Variants in ATP13A4 observed in about 807,000 individuals in gnomAD.
The protein encoded by ATP13A4 is probable cation-transporting ATPase 13A4.
A neutral mutation model predicts 142.5 loss-of-function variants in ATP13A4; 114 were observed. The ratio of observed to expected loss-of-function variants is 0.80; its 90% CI spans 0.69 to 0.93. The LOEUF (loss-of-function observed/expected upper bound fraction) is 0.93. ATP13A4 is among the 40% of genes least tolerant of loss of function. The pLI is 0.00. For missense variants in ATP13A4, 1,392 were observed against 1,454.0 expected (o/e 0.96, Z 0.69); for synonymous variants, 488 against 514.8 (o/e 0.95, Z 0.70).
In ATP13A4 at chr3:193,527,462, A is replaced by C. The variant is rs146413337; in HGVS notation, c.61-12591T>G. 5.4e-3 allele frequency among the ~76,000 whole-genome samples: 822 copies of C among 152,102 alleles called. 13 individuals carry two copies. Among genetic ancestry groups the C allele is most frequent in the African/African-American group, 0.019 (773 of 41,508 alleles). On this transcript the variant is annotated intron_variant, in intron 1 of 29. Coordinates refer to ENST00000342695, the MANE Select transcript of ATP13A4 (RefSeq NM_032279.4). ...CCCCGTCTCTACTAAAAATACAAAA[A>C]TTAGCTGGGCATGGTGACATGTGCC... is the stretch of plus-strand genomic sequence containing the variant.
At chr3:193,545,788 G>C (rs772924079) in intron 1 of ATP13A4, among the ~76,000 whole-genome samples, 2 of 151,710 alleles carry the variant, frequency 1.3e-5, no homozygotes, top group Admixed American at 6.6e-5. Flanking sequence ...TCCTTATTTC[G>C]TTATTTATGA....
At chr3:193,527,051 T>G (rs951906624) in intron 1 of ATP13A4, among the ~76,000 whole-genome samples, 1 of 152,172 alleles carries the variant, frequency 6.6e-6, no homozygotes, top group Non-Finnish European at 1.5e-5. Flanking sequence ...CAATAACTCT[T>G]AAGACATCAA....
At chr3:193,584,615 A>ATTT (rs150108003) in intron 1 of ATP13A4, among the ~76,000 whole-genome samples, 4,423 of 148,742 alleles carry the variant, frequency 0.03, 214 homozygotes, top group African/African-American at 0.1. Flanking sequence ...CTTTTCTTCT[A>ATTT]TTTTTTTTTT....
chr3:193,534,686 T>C (rs747206415), intron 1 of ATP13A4, among the ~76,000 whole-genome samples: 1 of 152,104 alleles, frequency 6.6e-6, no homozygotes, highest in African/African-American at 2.4e-5. Context: ...ACTACAGAGA[T>C]AAAGTAGCCT....
chr3:193,454,907 G>C (rs926018025), intron 16 of ATP13A4, among the ~76,000 whole-genome samples: 1 of 152,080 alleles, frequency 6.6e-6, no homozygotes, highest in Non-Finnish European at 1.5e-5. Context: ...AAAAGAAACT[G>C]TCAAAGAGTA....
intron 1 of ATP13A4, among the ~76,000 whole-genome samples, chr3:193,517,633 A>T (rs1386854003): frequency 6.6e-6 from 1 of 151,962 alleles, no homozygotes; most frequent in Non-Finnish European, 1.5e-5. Flanking sequence ...GGCGCCCGCC[A>T]CCACGCCCGG....
intron 2 of ATP13A4, among the ~76,000 whole-genome samples, chr3:193,514,098 A>G (rs1721277735): frequency 1.3e-5 from 2 of 152,210 alleles, no homozygotes; most frequent in East Asian, 1.9e-4. Flanking sequence ...TTTAACTTGT[A>G]TTTTAAGATC....
At chr3:193,424,885 A>G (rs1222758071) in intron 25 of ATP13A4, among the ~76,000 whole-genome samples, 1 of 149,646 alleles carries the variant, frequency 6.7e-6, no homozygotes, top group Admixed American at 6.9e-5. Context: ...GATTGAAGAG[A>G]CAACCTACAT....
At chr3:193,518,115 A>G (rs1023337310) in intron 1 of ATP13A4, among the ~76,000 whole-genome samples, 1 of 152,246 alleles carries the variant, frequency 6.6e-6, no homozygotes, top group African/African-American at 2.4e-5. Context: ...CTTAAAATAA[A>G]TTAAAATGGT....
intron 11 of ATP13A4, 76 bp from the exon 12 acceptor site, chr3:193,465,204 T>G: frequency 2.1e-6 from 3 of 1,462,342 alleles, no homozygotes; most frequent in Non-Finnish European, 2.8e-6. Context: ...CTTTTTTTTT[T>G]GAGGCGGAGT....
At chr3:193,448,980 A>G (rs1020438819) in intron 17 of ATP13A4, among the ~76,000 whole-genome samples, 17 of 152,218 alleles carry the variant, frequency 1.1e-4, no homozygotes, top group Admixed American at 1.1e-3. Context: ...ATGAAAAAAA[A>G]CGGAGGTGCA....
intron 8 of ATP13A4, among the ~76,000 whole-genome samples, chr3:193,481,678 C>T (rs947450017): frequency 6.6e-6 from 1 of 152,162 alleles, no homozygotes; most frequent in African/African-American, 2.4e-5. Context: ...TTTGTTCCCA[C>T]TGCATGACTT....
At chr3:193,423,735 A>G (rs1170555803) in intron 25 of ATP13A4, among the ~76,000 whole-genome samples, 1 of 149,926 alleles carries the variant, frequency 6.7e-6, no homozygotes, top group Non-Finnish European at 1.5e-5. Context: ...TAACGGGGAA[A>G]AGTTAAAAGC....
At chr3:193,561,651 G>C (rs1724019427) in intron 2 of ATP13A4, among the ~76,000 whole-genome samples, 1 of 152,152 alleles carries the variant, frequency 6.6e-6, no homozygotes, top group South Asian at 2.1e-4. Context: ...GCACCTCCTA[G>C]TACTCAGACC....
At chr3:193,413,729 G>A (rs1714899419) in intron 26 of ATP13A4, among the ~76,000 whole-genome samples, 1 of 152,112 alleles carries the variant, frequency 6.6e-6, no homozygotes, top group Non-Finnish European at 1.5e-5. Flanking sequence ...ACCCCACCCT[G>A]GTGAATTTGA....
upstream of ATP13A4, among the ~76,000 whole-genome samples, chr3:193,559,110 G>T (rs1456324507): frequency 6.6e-6 from 1 of 152,130 alleles, no homozygotes; most frequent in Non-Finnish European, 1.5e-5. Context: ...ATGATAAATG[G>T]TAATAATGTT....
intron 18 of ATP13A4, among the ~76,000 whole-genome samples, chr3:193,446,372 T>C (rs1716955981): frequency 6.6e-6 from 1 of 152,104 alleles, no homozygotes. Flanking sequence ...GATCTCTTCT[T>C]GATTCTGGGG....
chr3:193,541,026 A>G (rs1375447925), intron 1 of ATP13A4, among the ~76,000 whole-genome samples: 9 of 152,158 alleles, frequency 5.9e-5, no homozygotes, highest in East Asian at 1.9e-4. Flanking sequence ...GAGGCGGGCA[A>G]ATCGCGAGGT....
In ATP13A4 at chr3:193,458,717, C is replaced by T; in HGVS notation, c.1674+364G>A. 7 of 455,974 alleles carry T rather than the reference C, an allele frequency of 1.5e-5. No homozygotes were observed. In the South Asian group the frequency reaches 2.1e-4, roughly 14 times the overall value. The allele number at this position is 455,974 out of a possible 1,614,324, so 28.2% of individuals were successfully genotyped here. A position where few individuals can be genotyped will look rare whatever the true frequency, so the allele number is the denominator to read the frequency against. ...TGGAGAAAGCAATGTTTTCTGATCC[C>T]CATATTCTGGAAAATCTTCGAAACC... On this transcript the variant is annotated intron_variant, in intron 14 of 29. Transcript: ENST00000342695.
Sources: allele counts gnomAD v4.1 joint callset (sites outside exome capture counted in the v4.1 genomes callset), GRCh38; gene constraint gnomAD v4.1.1; transcripts MANE v1.5; gene names NCBI Gene and HGNC (gene_info 2026-07-23, HGNC 2026-07-21).